HOXD3: variants seen among roughly 807,000 people sequenced by gnomAD.
The protein encoded by HOXD3 is homeobox protein Hox-D3.
HOXD3 carries 13 observed loss-of-function variants against 32.8 expected under a neutral mutation model. The observed-to-expected ratio is 0.40, with a 90% CI of 0.26 to 0.63. The LOEUF is 0.63. HOXD3 is among the 20% of genes least tolerant of loss of function. The pLI, the probability that HOXD3 is intolerant of heterozygous loss-of-function variation, is 0.44. For synonymous variants in HOXD3, 241 were observed against 246.8 expected (o/e 0.98, Z 0.22); for missense variants, 504 against 577.1 (o/e 0.87, Z 1.30).
chr2:176,152,744 C>G (rs772924286), upstream of HOXD3: 26 of 1,614,174 alleles, frequency 1.6e-5, no homozygotes, highest in South Asian at 2.7e-4. This position sits in a 1 kb window ranked among gnomAD's most constrained non-coding sequence, Gnocchi z 5.2. Flanking sequence ...TCGCTCACAC[C>G]CTGTGTCTGT....
At chr2:176,162,653 TCTTTC>T (rs1003603361) in intron 1 of HOXD3, among the ~76,000 whole-genome samples, 1 of 152,150 alleles carries the variant, frequency 6.6e-6, no homozygotes, top group Non-Finnish European at 1.5e-5. Context: ...CTTGGGGTCC[TCTTTC>T]CTTTCTTCTT....
chr2:176,157,228 GA>G (rs1479477117), upstream of HOXD3, among the ~76,000 whole-genome samples: 1 of 152,150 alleles, frequency 6.6e-6, no homozygotes, highest in African/African-American at 2.4e-5. Flanking sequence ...GTGCGAGGAA[GA>G]TGATAAGAAT....
At chr2:176,164,686 C>T (rs187729012) in intron 2 of HOXD3, 2 of 152,156 alleles carry the variant, frequency 1.3e-5, no homozygotes, top group African/African-American at 4.8e-5. Flanking sequence ...CAGGGGGAGG[C>T]GCCGAGACCA....
At chr2:176,164,247 A>G (rs1690893823) in intron 2 of HOXD3, 79 bp downstream of exon 2, 1 of 152,250 alleles carries the variant, frequency 6.6e-6, no homozygotes, top group African/African-American at 2.4e-5. Context: ...AAATTCATAC[A>G]TCAAGACATA....
At chr2:176,171,386 C>T in intron 3 of HOXD3, 131 bp from the exon 4 acceptor site, 1 of 868,856 alleles carries the variant, frequency 1.2e-6, no homozygotes, top group Non-Finnish European at 1.7e-6. Flanking sequence ...TCAAACGGCC[C>T]TTCCCCTCCC....
intron 1 of HOXD3, among the ~76,000 whole-genome samples, chr2:176,159,060 G>A (rs1053845220): frequency 6.6e-6 from 1 of 152,244 alleles, no homozygotes; most frequent in Non-Finnish European, 1.5e-5. Context: ...GGCGAGGACT[G>A]TAAATCTTTC....
upstream of HOXD3, chr2:176,152,896 T>G (rs886898435): frequency 5.0e-6 from 8 of 1,614,070 alleles, no homozygotes; most frequent in Non-Finnish European, 6.8e-6. The surrounding 1 kb of genome is among the most constrained non-coding windows in gnomAD (Gnocchi z 5.2). Context: ...AGCCAGCATT[T>G]ACAGCCGATG....
At chr2:176,165,173 C>CT (rs1441426645) in intron 2 of HOXD3, 1 of 152,242 alleles carries the variant, frequency 6.6e-6, no homozygotes, top group African/African-American at 2.4e-5. Flanking sequence ...AAGTGTTTTT[C>CT]TTTTCATTCC....
At chr2:176,170,641 G>A (rs1026054146) in intron 3 of HOXD3, among the ~76,000 whole-genome samples, 1 of 152,158 alleles carries the variant, frequency 6.6e-6, no homozygotes, top group African/African-American at 2.4e-5. Context: ...TTTGCCTGAT[G>A]TTTTCTGGGG....
chr2:176,171,523 G>C lies in HOXD3; in HGVS notation c.548G>C (p.Ser183Thr). Residue 183 changes from serine to threonine, a missense_variant, in exon 4 of 4, where the codon AGC (serine) becomes ACC (threonine). Around this residue, in one of 3 missense-constraint regions of HOXD3, gnomAD observed 97 missense variants for 158.0 expected, o/e 0.61. Transcript: ENST00000683222. ...QKNSCATAGE[S>T]CEDKSPPGPA... Reference sequence around the variant, plus strand: ...TCTCTCCCTCCCTGCCCAGGAGAGAGCTGCGAGGACAAGAGCCCGCCAGGC... The same window carrying C: ...TCTCTCCCTCCCTGCCCAGGAGAGACCTGCGAGGACAAGAGCCCGCCAGGC... 1 of 1,583,570 alleles carries C rather than the reference G, an allele frequency of 6.3e-7. No individual in the cohort carries two copies. Among genetic ancestry groups the C allele is most frequent in the Non-Finnish European group, 8.6e-7 (1 of 1,163,984 alleles).
rs773686530 is a variant in HOXD3, at chr2:176,169,472, C to G, written c.358C>G (p.Pro120Ala). ...LNSEQQPPQP[P>A]PPPPTLPPSS... ...CTCAGAGCAGCAGCCACCACAACCC[C>G]CTCCTCCACCACCGACCCTGCCCCC... The change falls in exon 3 of 4, where the codon CCT becomes GCT. Residue 120 changes from proline to alanine, a missense_variant. Pro to Ala is a conservative substitution (Grantham distance 27, BLOSUM62 -1). Around this residue, in one of 3 missense-constraint regions of HOXD3, gnomAD observed 181 missense variants for 172.2 expected, o/e 1.05. Transcript: ENST00000683222. The G allele has an allele frequency of 4.5e-5, 73 of 1,613,026 alleles. No homozygotes were observed. The highest frequency in any genetic ancestry group is 1.6e-4 in the Middle Eastern group (1 of 6,078).
At position 176,172,389 on chromosome 2, in the gene HOXD3, G is replaced by T; in HGVS notation, c.*115G>T. The stretch of plus-strand genomic sequence containing the variant: ...CCCCCTTCCCCGCTCTTGCCCTGCC[G>T]CCGCCTCCCGGGTCTCAGGCCTCCA... On this transcript the variant is annotated 3_prime_UTR_variant, in exon 4 of 4. Coordinates refer to ENST00000683222, the MANE Select transcript of HOXD3 (RefSeq NM_006898.5). 9.3e-7 allele frequency: 1 copy of T among 1,076,876 alleles called. No individual in the cohort carries two copies. Among genetic ancestry groups the T allele is most frequent in the Non-Finnish European group, 1.3e-6 (1 of 775,528 alleles). 66.7% of individuals were successfully genotyped at this position (1,076,876 alleles called of 1,614,324 possible).
At position 176,172,398 on chromosome 2, in the gene HOXD3, C is replaced by T; in HGVS notation, c.*124C>T. On this transcript the variant is annotated 3_prime_UTR_variant, in exon 4 of 4. Transcript: ENST00000683222. Reference sequence around the variant, plus strand: ...CCGCTCTTGCCCTGCCGCCGCCTCCCGGGTCTCAGGCCTCCAGCGGCGGAG... The same window carrying T: ...CCGCTCTTGCCCTGCCGCCGCCTCCTGGGTCTCAGGCCTCCAGCGGCGGAG... 1 of 991,582 alleles carries T rather than the reference C, an allele frequency of 1.0e-6. No individual in the cohort carries two copies. Among genetic ancestry groups the T allele is most frequent in the Non-Finnish European group, 1.4e-6 (1 of 698,482 alleles). The allele number at this position is 991,582 out of a possible 1,614,324, so 61.4% of individuals were successfully genotyped here.
intron 1 of HOXD3, among the ~76,000 whole-genome samples, chr2:176,160,524 GC>G (rs1690766948): frequency 6.6e-6 from 1 of 152,190 alleles, no homozygotes; most frequent in South Asian, 2.1e-4. Context: ...CTTCCTTCCA[GC>G]CCCCAGGCTT....
intron 2 of HOXD3, among the ~76,000 whole-genome samples, chr2:176,165,976 T>C (rs972375619): frequency 6.6e-6 from 1 of 152,180 alleles, no homozygotes; most frequent in Non-Finnish European, 1.5e-5. Context: ...TTACCAGTTT[T>C]GTAACTATAT....
At chr2:176,153,498 G>A (rs373843453), upstream of HOXD3, among the ~76,000 whole-genome samples, 15 of 152,154 alleles carry the variant, frequency 9.9e-5, no homozygotes, top group African/African-American at 3.6e-4. Context: ...CCAAAGAAAT[G>A]GGTCTAAGAA....
At chr2:176,161,249 G>A (rs533053655) in intron 1 of HOXD3, among the ~76,000 whole-genome samples, 2 of 152,346 alleles carry the variant, frequency 1.3e-5, no homozygotes, top group East Asian at 3.9e-4. Context: ...ATGGAGGACG[G>A]TGATTAATCG....
At chr2:176,155,735 C>T (rs1238559722), upstream of HOXD3, among the ~76,000 whole-genome samples, 2 of 152,172 alleles carry the variant, frequency 1.3e-5, no homozygotes, top group African/African-American at 4.8e-5. Context: ...TTATTTGTTT[C>T]CAGTTTGTTC....
Position 176,169,295 on chromosome 2 carries a change from A to G in HOXD3, c.181A>G (p.Thr61Ala). 6.2e-7 allele frequency: 1 copy of G among 1,613,522 alleles called. No individual in the cohort carries two copies. Among genetic ancestry groups the G allele is most frequent in the South Asian group, 1.1e-5 (1 of 91,032 alleles). Residue 61 changes from threonine (T) to alanine (A), a missense_variant, in exon 3 of 4, where the codon ACT becomes GCT. By Grantham distance (58) the Thr-to-Ala change is moderately conservative. This residue lies in a region of HOXD3 where 181 missense variants were observed against 172.2 expected (regional missense o/e 1.05). Transcript: ENST00000683222. ...PPPAAASSLD[T>A]DYPGSACSIQ... ...CCCTGCTGCTGCCAGCTCCCTGGAC[A>G]CTGACTATCCAGGTTCTGCCTGCTC...
Sources: gnomAD v4.1 joint callset for allele counts (sites outside exome capture counted in the v4.1 genomes callset) on GRCh38, gnomAD v4.1.1 for gene constraint, gnomAD v4.1.1 regional missense constraint, Gnocchi (gnomAD v3.1) non-coding constraint, MANE v1.5 for transcripts, NCBI Gene and HGNC (gene_info 2026-07-23, HGNC 2026-07-21) for gene names.